The following TOM1 variants were observed in gnomAD, a reference collection of about 807,000 sequenced individuals.
TOM1 encodes target of myb1 membrane trafficking protein.
TOM1 carries 38 observed loss-of-function variants against 61.3 expected under a neutral mutation model. The observed-to-expected ratio is 0.62, with a 90% CI of 0.48 to 0.81. The LOEUF (loss-of-function observed/expected upper bound fraction) is 0.81. TOM1 is among the 40% of genes least tolerant of loss of function. The pLI, the probability that TOM1 is intolerant of heterozygous loss-of-function variation, is 0.00. For missense variants in TOM1, 591 were observed against 659.6 expected (o/e 0.90, Z 1.14); for synonymous variants, 270 against 268.8 (o/e 1.00, Z -0.04).
chr22:35,302,073 C>T (rs764646034), intron 1 of TOM1, among the ~76,000 whole-genome samples: 5 of 152,320 alleles, frequency 3.3e-5, no homozygotes, highest in Non-Finnish European at 5.9e-5. Context: ...TACCTTGAAG[C>T]GTTGCCTTTC....
rs369683318 is a variant in TOM1, at chr22:35,317,904, G to C, written c.80G>C (p.Ser27Thr). Residue 27 changes from serine to threonine, a missense_variant, in exon 2 of 15, where the codon AGC becomes ACC. Ser to Thr is a moderately conservative substitution (Grantham distance 58). Transcript: ENST00000449058. ...IEKATDGSLQ[S>T]EDWALNMEIC... ...AAAGCCACAGATGGCTCCCTGCAGA[G>C]CGAGGACTGGGCCCTCAACATGGAG... The C allele has an allele frequency of 1.2e-6, 2 of 1,614,148 alleles. No homozygotes were observed. The highest frequency in any genetic ancestry group is 1.7e-6 in the Non-Finnish European group (2 of 1,180,008).
chr22:35,317,017 A>T (rs1927354897), intron 1 of TOM1, among the ~76,000 whole-genome samples: 1 of 152,026 alleles, frequency 6.6e-6, no homozygotes, highest in Non-Finnish European at 1.5e-5. Context: ...TTCCTAGGTA[A>T]AGAAGCTCTC....
Position 35,299,948 on chromosome 22 carries a change from A to G in TOM1, c.20A>G (p.Asn7Ser), listed in dbSNP as rs1277805815. Residue 7 changes from asparagine (N) to serine (S), a missense_variant, in exon 1 of 15, where the codon AAC becomes AGC. Transcript: ENST00000449058. MDFLLG[N>S]PFSSPVGQRI... ...GCAGCAATGGACTTTCTCCTGGGGA[A>G]CCCGTTCAGCTCTCCAGTGGGACAG... is the stretch of plus-strand genomic sequence containing the variant. 2 of 1,583,428 alleles carry G rather than the reference A, an allele frequency of 1.3e-6. No individual in the cohort carries two copies. Among genetic ancestry groups the G allele is most frequent in the Non-Finnish European group, 1.7e-6 (2 of 1,163,218 alleles).
chr22:35,345,688 C>T (rs778750737), intron 12 of TOM1, 37 bp from the exon 13 acceptor site: 3 of 1,608,262 alleles, frequency 1.9e-6, no homozygotes, highest in South Asian at 1.1e-5. Flanking sequence ...CACCTTGTCA[C>T]CTAGGGCACT....
intron 2 of TOM1, among the ~76,000 whole-genome samples, chr22:35,321,480 C>A (rs1927776122): frequency 6.6e-6 from 1 of 152,192 alleles, no homozygotes; most frequent in Non-Finnish European, 1.5e-5. Flanking sequence ...CTCACTGCAA[C>A]CTCTGCCTCC....
intron 11 of TOM1, among the ~76,000 whole-genome samples, chr22:35,336,492 C>G (rs1929349173): frequency 6.6e-6 from 1 of 152,260 alleles, no homozygotes; most frequent in Non-Finnish European, 1.5e-5. Flanking sequence ...CTGGCACCGT[C>G]ACAGCCTTCC....
In TOM1 at chr22:35,343,221, A is replaced by C. The variant is rs539489674; in HGVS notation, c.1225-2504A>C. ...TACGCCTACACACACACCCCTACAC[A>C]CACCACACACACATCTACACCCACC... is the stretch of plus-strand genomic sequence containing the variant. On this transcript the variant is annotated intron_variant, in intron 12 of 14. Coordinates refer to ENST00000449058, the MANE Select transcript of TOM1 (RefSeq NM_005488.3). Among the ~76,000 whole-genome samples the C allele has an allele frequency of 1.8e-4, 25 of 136,958 alleles. 1 individual carries two copies. The highest frequency in any genetic ancestry group is 4.9e-3 in the Middle Eastern group (1 of 204). The allele number at this position is 136,958 out of a possible 152,430, so 89.8% of individuals were successfully genotyped here. A position where few individuals can be genotyped will look rare whatever the true frequency, so the allele number is the denominator to read the frequency against.
chr22:35,299,716 G>GC (rs2145588839), upstream of TOM1: 1 of 581,812 alleles, frequency 1.7e-6, no homozygotes, highest in Admixed American at 3.1e-5. Context: ...TGTGACGCCC[G>GC]CCGCCGCCGA....
intron 1 of TOM1, among the ~76,000 whole-genome samples, chr22:35,304,646 T>C (rs1434918243): frequency 6.6e-6 from 1 of 151,984 alleles, no homozygotes; most frequent in Non-Finnish European, 1.5e-5. Flanking sequence ...ACCTGGCTAA[T>C]TTTTTGTATT....
rs749213029 is a variant in TOM1 at position 35,330,380 on chromosome 22, C to T, written c.799C>T (p.Arg267Trp). The change falls in exon 8 of 15, where the codon CGG (arginine) becomes TGG (tryptophan). Residue 267 changes from arginine (R) to tryptophan (W), a missense_variant. Transcript: ENST00000449058. ...CCGCACGTGCCGAGCCATGCAGCAG[C>T]GGGTCCTGGAGCTCATCCCTCAGAT... ...LNRTCRAMQQ[R>W]VLELIPQIAN... is the part of the protein sequence containing the mutation. 10 of 1,613,216 alleles carry T rather than the reference C, an allele frequency of 6.2e-6. No homozygotes were observed. The highest frequency in any genetic ancestry group is 8.5e-6 in the Non-Finnish European group (10 of 1,179,690).
chr22:35,329,033 G>T (rs895759240), intron 7 of TOM1, among the ~76,000 whole-genome samples: 7 of 152,060 alleles, frequency 4.6e-5, no homozygotes, highest in African/African-American at 1.7e-4. Context: ...TCGGCTCACC[G>T]CAGCCTCTGC....
chr22:35,304,572 G>A (rs956724317), intron 1 of TOM1, among the ~76,000 whole-genome samples: 4 of 152,024 alleles, frequency 2.6e-5, no homozygotes, highest in African/African-American at 9.7e-5. Flanking sequence ...TCCACCTCCC[G>A]GGTTCACGCC....
chr22:35,313,333 C>T (rs1001926171), intron 1 of TOM1, among the ~76,000 whole-genome samples: 5 of 150,844 alleles, frequency 3.3e-5, no homozygotes, highest in Middle Eastern at 3.4e-3. Flanking sequence ...GGTGACAGAA[C>T]GAGACTGTCT....
intron 1 of TOM1, among the ~76,000 whole-genome samples, chr22:35,308,707 G>C (rs1926563397): frequency 6.6e-6 from 1 of 152,182 alleles, no homozygotes; most frequent in Non-Finnish European, 1.5e-5. Flanking sequence ...CTGTACCTCA[G>C]CCAGCCACTT....
intron 8 of TOM1, chr22:35,331,272 CTTTTTTT>C (rs547060393): frequency 3.2e-6 from 1 of 314,320 alleles, no homozygotes; most frequent in South Asian, 2.8e-5. Flanking sequence ...ATTTTCTTTT[CTTTTTTT>C]TTTTTTCTTT....
intron 13 of TOM1, among the ~76,000 whole-genome samples, chr22:35,346,074 C>T (rs1039177902): frequency 1.3e-5 from 2 of 152,230 alleles, no homozygotes; most frequent in Non-Finnish European, 2.9e-5. Context: ...GAGAGGCTAA[C>T]CGAGGAAGCA....
At chr22:35,330,567 C>A (rs1928755847) in intron 8 of TOM1, 87 bp downstream of exon 8, 1 of 1,331,846 alleles carries the variant, frequency 7.5e-7, no homozygotes, top group Non-Finnish European at 1.0e-6. Context: ...CTCATGCCAT[C>A]TGAGCCTTCT....
At chr22:35,317,335 A>G (rs962859983) in intron 1 of TOM1, among the ~76,000 whole-genome samples, 2 of 152,068 alleles carry the variant, frequency 1.3e-5, no homozygotes, top group African/African-American at 4.8e-5. Flanking sequence ...GATTACAGGC[A>G]TGTGCCACCA....
At chr22:35,341,756 G>A (rs527925032) in intron 12 of TOM1, among the ~76,000 whole-genome samples, 1 of 152,324 alleles carries the variant, frequency 6.6e-6, no homozygotes, top group South Asian at 2.1e-4. Context: ...CCCACAGGGA[G>A]GAAACGCACC....
Sources: allele counts gnomAD v4.1 joint callset (sites outside exome capture counted in the v4.1 genomes callset), GRCh38; gene constraint gnomAD v4.1.1; transcripts MANE v1.5; gene names NCBI Gene and HGNC (gene_info 2026-07-23, HGNC 2026-07-21).